CNTNAP1: variants seen among roughly 807,000 people sequenced by gnomAD.
The protein encoded by CNTNAP1 is contactin associated protein 1.
Under a neutral mutation model 161.5 loss-of-function variants are expected in CNTNAP1, and 80 were observed. The ratio of observed to expected loss-of-function variants is 0.50; its 90% CI spans 0.41 to 0.60. CNTNAP1 has a LOEUF of 0.60. Among genes scored for constraint, CNTNAP1 ranks in the 20% least tolerant of loss-of-function variants. The pLI is 0.00. For missense variants in CNTNAP1, 1,464 were observed against 1,854.8 expected, an observed-to-expected ratio of 0.79 and a Z score of 3.87; for synonymous variants, 695 against 733.1, an observed-to-expected ratio of 0.95 and a Z score of 0.84.
chr17:42,698,398 C>T lies in CNTNAP1; in HGVS notation c.3863-220C>T, dbSNP rs79962559. ...ACACTTGAGATGAGTTTAGTGTGGT[C>T]GAACAGCTAACTGAGGGTCATACAT... On this transcript the variant is annotated intron_variant, in intron 23 of 23. Coordinates refer to ENST00000264638, the MANE Select transcript of CNTNAP1 (RefSeq NM_003632.3). Among the ~76,000 whole-genome samples, 1,471 of 151,324 alleles carry T rather than the reference C, an allele frequency of 9.7e-3. 25 individuals carry two copies. The highest frequency in any genetic ancestry group is 0.034 in the African/African-American group (1,414 of 41,156).
intron 18 of CNTNAP1, among the ~76,000 whole-genome samples, chr17:42,694,438 C>T (rs1283240366): frequency 1.3e-5 from 2 of 152,142 alleles, no homozygotes; most frequent in African/African-American, 2.4e-5. Flanking sequence ...TCCCAAAGTG[C>T]TGGGATTACA....
At position 42,698,394 on chromosome 17, in the gene CNTNAP1, T is replaced by C. The variant is rs575170885; in HGVS notation, c.3863-224T>C. Among the ~76,000 whole-genome samples the C allele has an allele frequency of 3.9e-5, 6 of 152,070 alleles. No individual in the cohort carries two copies. The South Asian group carries it at 1.2e-3, about 32-fold the overall frequency. ...CCAGACACTTGAGATGAGTTTAGTGTGGTCGAACAGCTAACTGAGGGTCAT... is the reference window on the plus strand; with the variant it reads ...CCAGACACTTGAGATGAGTTTAGTGCGGTCGAACAGCTAACTGAGGGTCAT... On this transcript the variant is annotated intron_variant, in intron 23 of 23. Coordinates refer to ENST00000264638, the MANE Select transcript of CNTNAP1 (RefSeq NM_003632.3).
At position 42,683,931 on chromosome 17, in the gene CNTNAP1, C is replaced by A; in HGVS notation, c.169+9C>A. 1 of 1,613,820 alleles carries A rather than the reference C, an allele frequency of 6.2e-7. No homozygotes were observed. Among genetic ancestry groups the A allele is most frequent in the Non-Finnish European group, 8.5e-7 (1 of 1,179,818 alleles). On this transcript the variant is annotated intron_variant, in intron 2 of 23. Coordinates refer to ENST00000264638, the MANE Select transcript of CNTNAP1 (RefSeq NM_003632.3). ...ATTCGCCAGGCTGCACGGTGAGCTC[C>A]GCGGAACATCAGCTGCCAACTGGCA...
In CNTNAP1 at chr17:42,695,745, C is replaced by T. The variant is rs768439624; in HGVS notation, c.3217C>T (p.Arg1073Cys). Residue 1073 changes from arginine (R) to cysteine (C), a missense_variant, in exon 19 of 24, where the codon CGT (arginine) becomes TGT (cysteine). This residue lies in a region of CNTNAP1 where 1,383 missense variants were observed against 1,765.0 expected (regional missense o/e 0.78). Coordinates refer to ENST00000264638, the MANE Select transcript of CNTNAP1 (RefSeq NM_003632.3). ...GCCTGGTCGGCCTGTGCCCGGTTAC[C>T]GTGGGCCTGTCTACAACGTTACGGG... ...PRPGRPVPGY[R>C]GPVYNVTGEE... 9 of 1,614,092 alleles carry T rather than the reference C, an allele frequency of 5.6e-6. No individual in the cohort carries two copies. Among genetic ancestry groups the T allele is most frequent in the African/African-American group, 1.3e-5 (1 of 74,930 alleles).
chr17:42,692,190 G>A (rs572548552), intron 16 of CNTNAP1, among the ~76,000 whole-genome samples, 199 bp downstream of exon 16: 1 of 152,284 alleles, frequency 6.6e-6, no homozygotes, highest in East Asian at 1.9e-4. Context: ...GGCCTCTCTT[G>A]GCCTTAAGCC....
chr17:42,698,536 T>TGC (rs1339711590), intron 23 of CNTNAP1, 82 bp from the exon 24 acceptor site: 15 of 252,556 alleles, frequency 5.9e-5, no homozygotes, highest in Admixed American at 4.2e-4. Flanking sequence ...AAAGAGTGCG[T>TGC]GTGTGTGTGT....
Position 42,699,101 on chromosome 17 carries a change from T to C in CNTNAP1, c.*191T>C. Reference sequence around the variant, plus strand: ...ACCCAAGGGAGTGGCCGAGCCTCACTGCCTAAACCAATGCCCTTCTCATCC... The same window carrying C: ...ACCCAAGGGAGTGGCCGAGCCTCACCGCCTAAACCAATGCCCTTCTCATCC... On this transcript the variant is annotated 3_prime_UTR_variant, in exon 24 of 24. Coordinates refer to ENST00000264638, the MANE Select transcript of CNTNAP1 (RefSeq NM_003632.3). 2.1e-6 allele frequency: 1 copy of C among 484,778 alleles called. No individual in the cohort carries two copies. Among genetic ancestry groups the C allele is most frequent in the African/African-American group, 1.9e-5 (1 of 51,282 alleles). The allele number at this position is 484,778 out of a possible 1,614,324, so 30.0% of individuals were successfully genotyped here.
intron 12 of CNTNAP1, 49 bp from the exon 13 acceptor site, chr17:42,690,690 T>TAG (rs1227383858): frequency 6.4e-7 from 1 of 1,572,694 alleles, no homozygotes. Context: ...GGGAGATGGG[T>TAG]AGAGAATGCC....
chr17:42,697,434 A>G, intron 21 of CNTNAP1, 67 bp downstream of exon 21: 1 of 1,608,796 alleles, frequency 6.2e-7, no homozygotes, highest in South Asian at 1.1e-5. Context: ...TCCTCAAGGA[A>G]AGTGAAGGCC....
At position 42,697,261 on chromosome 17, in the gene CNTNAP1, C is replaced by G. The variant is rs778868902; in HGVS notation, c.3475-13C>G. 6.2e-7 allele frequency: 1 copy of G among 1,604,128 alleles called. No individual in the cohort carries two copies. The highest frequency in any genetic ancestry group is 8.5e-7 in the Non-Finnish European group (1 of 1,170,940). ...CTCCCTCATCGCCCTCCCCCTCCCC[C>G]TCCCCACCTCAGGTGGACTACTTCC... is the stretch of plus-strand genomic sequence containing the variant. On this transcript the variant is annotated splice_polypyrimidine_tract_variant and intron_variant, in intron 20 of 23. Coordinates refer to ENST00000264638, the MANE Select transcript of CNTNAP1 (RefSeq NM_003632.3).
rs754975579 is a variant in CNTNAP1, at chr17:42,697,358, C to T, written c.3559C>T (p.Arg1187Cys). ...LDSPKALYLGRVMETGVIDPE... is the reference protein window; with the variant it reads ...LDSPKALYLGCVMETGVIDPE... The stretch of plus-strand genomic sequence containing the variant: ...CTCACCCAAGGCCTTGTATTTAGGG[C>T]GTGTGATGGGTAAGCTGCGGGTGCG... Residue 1187 changes from arginine (R) to cysteine (C), a missense_variant, in exon 21 of 24, where the codon CGT becomes TGT. Transcript: ENST00000264638. 3 of 1,613,908 alleles carry T rather than the reference C, an allele frequency of 1.9e-6. No individual in the cohort carries two copies. The highest frequency in any genetic ancestry group is 2.5e-6 in the Non-Finnish European group (3 of 1,179,936).
rs775340803 is a variant in CNTNAP1 at position 42,692,663 on chromosome 17, C to T, written c.2695C>T (p.Arg899Trp). ...LRVDHRPWVL[R>W]PMPLQTYIWM... ...AGTGGATCACCGGCCCTGGGTTCTG[C>T]GGCCTATGCCACTGCAGACCTACAT... The change falls in exon 17 of 24, where the codon CGG becomes TGG. Residue 899 changes from arginine to tryptophan, a missense_variant. This residue lies in a region of CNTNAP1 where 1,383 missense variants were observed against 1,765.0 expected (regional missense o/e 0.78). Transcript: ENST00000264638. 28 of 1,614,042 alleles carry T rather than the reference C, an allele frequency of 1.7e-5. No individual in the cohort carries two copies. The highest frequency in any genetic ancestry group is 3.3e-5 in the South Asian group (3 of 91,084).
In CNTNAP1 at chr17:42,691,739, C is replaced by T; in HGVS notation, c.2345-67C>T. 5 of 1,549,598 alleles carry T rather than the reference C, an allele frequency of 3.2e-6. No individual in the cohort carries two copies. The highest frequency in any genetic ancestry group is 4.4e-6 in the Non-Finnish European group (5 of 1,127,330). On this transcript the variant is annotated intron_variant, in intron 15 of 23. Coordinates refer to ENST00000264638, the MANE Select transcript of CNTNAP1 (RefSeq NM_003632.3). This position sits in a 1 kb window ranked among gnomAD's most constrained non-coding sequence, Gnocchi z 4.3. ...TTGCCCAACCTTCCCTGCCCCCAAC[C>T]CCAGGTTCTCTTCCTCCTCCACCCT...
intron 8 of CNTNAP1, 147 bp from the exon 9 acceptor site, chr17:42,688,315 A>T: frequency 9.6e-7 from 1 of 1,038,436 alleles, no homozygotes; most frequent in Non-Finnish European, 1.4e-6. Context: ...ACATTCAGAG[A>T]GGTCTCCACT....
Position 42,685,807 on chromosome 17 carries a change from C to T in CNTNAP1, c.716-150C>T. 1.3e-6 allele frequency: 1 copy of T among 784,800 alleles called. No homozygotes were observed. Among genetic ancestry groups the T allele is most frequent in the Non-Finnish European group, 2.0e-6 (1 of 499,312 alleles). The allele number at this position is 784,800 out of a possible 1,614,324, so 48.6% of individuals were successfully genotyped here. ...AGGAAGCCAGGCTAAATGGCTTACC[C>T]TGTCACACACTCGCCAATGGCTGTT... On this transcript the variant is annotated intron_variant, in intron 5 of 23. Transcript: ENST00000264638. This position sits in a 1 kb window ranked among gnomAD's most constrained non-coding sequence, Gnocchi z 5.0.
Position 42,695,537 on chromosome 17 carries a change from T to C in CNTNAP1, c.3009T>C (p.Phe1003=). Residue 1003 remains phenylalanine (F), a synonymous_variant, in exon 19 of 24, where the codon TTT becomes TTC. Transcript: ENST00000264638. ...TACCTGCAGATATTGGTGGTTTCTT[T>C]GAGCCGGGCACCTGGATGCGCTATA... ...PYCNHDIGGF[F]EPGTWMRYNL... 3.7e-6 allele frequency: 6 copies of C among 1,604,622 alleles called. No individual in the cohort carries two copies. The highest frequency in any genetic ancestry group is 5.1e-6 in the Non-Finnish European group (6 of 1,172,456).
intron 2 of CNTNAP1, 35 bp from the exon 3 acceptor site, chr17:42,684,001 G>A (rs1388142025): frequency 6.2e-7 from 1 of 1,613,476 alleles, no homozygotes; most frequent in Non-Finnish European, 8.5e-7. Flanking sequence ...TTCGGGGAGA[G>A]GGATAGCCGG....
Position 42,691,048 on chromosome 17 carries a change from G to A in CNTNAP1, c.2060-89G>A. The A allele has an allele frequency of 6.3e-7, 1 of 1,595,726 alleles. No homozygotes were observed. The highest frequency in any genetic ancestry group is 2.2e-5 in the East Asian group (1 of 44,714). Reference sequence around the variant, plus strand: ...TGGGGCCTTGGGTTGGAAGATTCAAGGAGGGGTCTGAACTCGCTGGAAGGG... The same window carrying A: ...TGGGGCCTTGGGTTGGAAGATTCAAAGAGGGGTCTGAACTCGCTGGAAGGG... On this transcript the variant is annotated intron_variant, in intron 13 of 23. Coordinates refer to ENST00000264638, the MANE Select transcript of CNTNAP1 (RefSeq NM_003632.3). The surrounding 1 kb of genome is among the most constrained non-coding windows in gnomAD (Gnocchi z 4.3).
At position 42,695,522 on chromosome 17, in the gene CNTNAP1, T is replaced by C; in HGVS notation, c.2994T>C (p.Asp998=). The change falls in exon 19 of 24, where the codon GAT becomes GAC. Residue 998 remains aspartate, a splice_region_variant and synonymous_variant. Coordinates refer to ENST00000264638, the MANE Select transcript of CNTNAP1 (RefSeq NM_003632.3). ...TAFDGPYCNH[D]IGGFFEPGTW... ...TAACCTCCCTGCTTCTACCTGCAGA[T>C]ATTGGTGGTTTCTTTGAGCCGGGCA... is the stretch of plus-strand genomic sequence containing the variant. 1 of 1,602,028 alleles carries C rather than the reference T, an allele frequency of 6.2e-7. No individual in the cohort carries two copies. The highest frequency in any genetic ancestry group is 1.1e-5 in the South Asian group (1 of 90,670).
Sources: allele counts gnomAD v4.1 joint callset (sites outside exome capture counted in the v4.1 genomes callset), GRCh38; gene constraint gnomAD v4.1.1; regional missense constraint gnomAD v4.1.1; non-coding constraint Gnocchi (gnomAD v3.1); transcripts MANE v1.5; gene names NCBI Gene and HGNC (gene_info 2026-07-23, HGNC 2026-07-21).